TJP1: variants seen among roughly 807,000 people sequenced by gnomAD.
The protein encoded by TJP1 is tight junction protein 1.
In TJP1, 43 loss-of-function variants were observed where a neutral mutation model predicts 194.2. The ratio of observed to expected loss-of-function variants is 0.22; its 90% CI spans 0.17 to 0.29. The LOEUF (loss-of-function observed/expected upper bound fraction) is 0.29, where lower values mean the gene tolerates loss of function less well. TJP1 is among the 10% of genes least tolerant of loss of function. The pLI is 1.00. For synonymous variants in TJP1, 801 were observed against 779.0 expected (o/e 1.03, Z -0.47); for missense variants, 1,971 against 2,185.7 (o/e 0.90, Z 1.96).
chr15:29,789,907 C>T (rs917493708), intron 2 of TJP1, among the ~76,000 whole-genome samples: 5 of 152,172 alleles, frequency 3.3e-5, no homozygotes, highest in African/African-American at 1.2e-4. Flanking sequence ...AGGCCATAGC[C>T]CTCCATTTCA....
intron 2 of TJP1, among the ~76,000 whole-genome samples, chr15:29,872,457 T>C (rs746781158): frequency 1.3e-5 from 2 of 152,142 alleles, no homozygotes; most frequent in Non-Finnish European, 2.9e-5. Context: ...AGAAAGCTGG[T>C]CCTTTGCAAT....
intron 2 of TJP1, among the ~76,000 whole-genome samples, chr15:29,795,600 G>GA (rs2048354657): frequency 6.6e-6 from 1 of 151,784 alleles, no homozygotes; most frequent in South Asian, 2.1e-4. Flanking sequence ...AAATATTTAA[G>GA]AAAAAAATAA....
chr15:29,810,156 T>A (rs940615481), intron 1 of TJP1, among the ~76,000 whole-genome samples: 2 of 152,168 alleles, frequency 1.3e-5, no homozygotes, highest in Non-Finnish European at 2.9e-5. Context: ...ATGTTCACTA[T>A]GTACTAACAG....
At chr15:29,707,190 CT>C (rs998596015) in intron 25 of TJP1, among the ~76,000 whole-genome samples, 12 of 152,128 alleles carry the variant, frequency 7.9e-5, no homozygotes, top group African/African-American at 2.9e-4. Context: ...AGTAGATTAA[CT>C]TAGTAATCAC....
chr15:29,872,080 G>A (rs1171241669), intron 2 of TJP1, among the ~76,000 whole-genome samples: 1 of 152,148 alleles, frequency 6.6e-6, no homozygotes, highest in African/African-American at 2.4e-5. Context: ...AACCTCGTAG[G>A]CAGCGGGGGA....
chr15:29,739,290 T>A (rs537460489), intron 10 of TJP1, among the ~76,000 whole-genome samples: 68 of 152,290 alleles, frequency 4.5e-4, no homozygotes, highest in Non-Finnish European at 7.6e-4. Context: ...ATTAACTACT[T>A]GCAGTAGCAA....
chr15:29,759,971 A>G, intron 8 of TJP1: 1 of 461,916 alleles, frequency 2.2e-6, no homozygotes, highest in Non-Finnish European at 3.8e-6. Context: ...TCCTTTGGAT[A>G]TGTACCCAGA....
intron 2 of TJP1, among the ~76,000 whole-genome samples, chr15:29,924,611 C>T (rs1014593713): frequency 1.3e-5 from 2 of 152,100 alleles, no homozygotes; most frequent in African/African-American, 4.8e-5. Context: ...TGTGGGAGCA[C>T]CTACTGCCTT....
intron 3 of TJP1, among the ~76,000 whole-genome samples, chr15:29,772,881 C>T (rs1179471881): frequency 6.6e-6 from 1 of 152,158 alleles, no homozygotes; most frequent in African/African-American, 2.4e-5. Context: ...TCTCCTGCCT[C>T]AGCCTCCCAA....
intron 24 of TJP1, among the ~76,000 whole-genome samples, chr15:29,709,979 CTACAAAAAA>C (rs2042136337): frequency 6.6e-6 from 1 of 152,034 alleles, no homozygotes; most frequent in African/African-American, 2.4e-5. Context: ...AACCCTGTCT[CTACAAAAAA>C]TACAAAAATT....
chr15:29,753,148 T>C (rs1341331436), intron 8 of TJP1, among the ~76,000 whole-genome samples: 1 of 152,234 alleles, frequency 6.6e-6, no homozygotes, highest in Non-Finnish European at 1.5e-5. Flanking sequence ...GCTTTGGATA[T>C]AGAGCTTACA....
At chr15:29,959,858 C>G (rs532477785) in intron 1 of TJP1, among the ~76,000 whole-genome samples, 5 of 152,308 alleles carry the variant, frequency 3.3e-5, no homozygotes, top group African/African-American at 1.2e-4. Context: ...ACTGATGCCA[C>G]TTTCATGATT....
At chr15:29,959,524 G>C (rs2056078965) in intron 1 of TJP1, among the ~76,000 whole-genome samples, 1 of 152,078 alleles carries the variant, frequency 6.6e-6, no homozygotes, top group Admixed American at 6.6e-5. Flanking sequence ...ACTGTGGCCT[G>C]CCTTCAGGAA....
chr15:29,702,472 C>T (rs189744244), intron 27 of TJP1, among the ~76,000 whole-genome samples: 31 of 152,300 alleles, frequency 2.0e-4, no homozygotes, highest in Non-Finnish European at 2.6e-4. Flanking sequence ...CAGCTGTGGA[C>T]GTTTGCTTCC....
chr15:29,821,244 C>T (rs906765913), intron 1 of TJP1, among the ~76,000 whole-genome samples: 1 of 152,118 alleles, frequency 6.6e-6, no homozygotes, highest in East Asian at 1.9e-4. Context: ...TATTTCAGAG[C>T]ACATAGGAAA....
At chr15:29,953,669 A>G (rs190595928) in intron 2 of TJP1, among the ~76,000 whole-genome samples, 154 of 152,330 alleles carry the variant, frequency 1.0e-3, no homozygotes, top group African/African-American at 3.5e-3. Flanking sequence ...AAAATTTCTA[A>G]CAATCTAAAA....
At chr15:29,806,883 A>T (rs1595965321) in intron 1 of TJP1, among the ~76,000 whole-genome samples, 1 of 152,192 alleles carries the variant, frequency 6.6e-6, no homozygotes, top group South Asian at 2.1e-4. Flanking sequence ...AGAAATGTCC[A>T]GGAGGTAGTA....
At chr15:29,850,594 C>CA (rs1374473724) in intron 2 of TJP1, among the ~76,000 whole-genome samples, 1 of 152,030 alleles carries the variant, frequency 6.6e-6, no homozygotes, top group Non-Finnish European at 1.5e-5. Flanking sequence ...CTTGGCCTCC[C>CA]AAAGTGCTGG....
At chr15:29,722,585 G>A (rs954438105) in intron 18 of TJP1, among the ~76,000 whole-genome samples, 1 of 152,224 alleles carries the variant, frequency 6.6e-6, no homozygotes, top group African/African-American at 2.4e-5. Context: ...CACCTCCAGG[G>A]CAGTGTGGAG....
Sources: gnomAD v4.1 joint callset for allele counts (sites outside exome capture counted in the v4.1 genomes callset) on GRCh38, gnomAD v4.1.1 for gene constraint, MANE v1.5 for transcripts, NCBI Gene and HGNC (gene_info 2026-07-23, HGNC 2026-07-21) for gene names.